TFB1M: variants seen among roughly 807,000 people sequenced by gnomAD.
TFB1M encodes the protein dimethyladenosine transferase 1, mitochondrial.
In TFB1M, 27 loss-of-function variants were observed where a neutral mutation model predicts 31.1. The ratio of observed to expected loss-of-function variants is 0.87; its 90% confidence interval spans 0.64 to 1.20. The LOEUF (loss-of-function observed/expected upper bound fraction) is 1.20, where lower values mean the gene tolerates loss of function less well. Ranked by LOEUF, TFB1M falls within the 50% of genes most tolerant of loss-of-function variation. TFB1M has a pLI of 0.00. For synonymous variants in TFB1M, 166 were observed against 151.8 expected (o/e 1.09, Z -0.69); for missense variants, 394 against 418.7 (o/e 0.94, Z 0.51).
chr6:155,300,076 C>G (rs1193244347), intron 2 of TFB1M, among the ~76,000 whole-genome samples: 1 of 152,194 alleles, frequency 6.6e-6, no homozygotes, highest in African/African-American at 2.4e-5. Context: ...ATTCAGGTCT[C>G]TGTAAAGCTG....
intron 4 of TFB1M, among the ~76,000 whole-genome samples, chr6:155,286,961 T>C (rs1776687775): frequency 6.6e-6 from 1 of 152,126 alleles, no homozygotes; most frequent in South Asian, 2.1e-4. Flanking sequence ...TGTACATCAA[T>C]AATCATAAGA....
downstream of TFB1M, chr6:155,254,457 G>A (rs763875942): frequency 2.5e-6 from 4 of 1,613,932 alleles, no homozygotes; most frequent in Admixed American, 3.3e-5. Flanking sequence ...AAGGTGATTC[G>A]TTCTATTCTG....
intron 2 of TFB1M, among the ~76,000 whole-genome samples, chr6:155,310,395 A>G (rs1777964271): frequency 6.6e-6 from 1 of 152,202 alleles, no homozygotes; most frequent in African/African-American, 2.4e-5. Flanking sequence ...AGCGTTTTAA[A>G]AAAAGTAAGT....
At chr6:155,314,037 C>A in intron 1 of TFB1M, 1 of 1,319,108 alleles carries the variant, frequency 7.6e-7, no homozygotes, top group African/African-American at 1.5e-5. Flanking sequence ...CCCTTCCTCC[C>A]CTAGGGAGCT....
Position 155,257,010 on chromosome 6 carries a change from T to G in TFB1M, c.*826A>C. 6.2e-7 allele frequency: 1 copy of G among 1,614,166 alleles called. No individual in the cohort carries two copies. The highest frequency in any genetic ancestry group is 8.5e-7 in the Non-Finnish European group (1 of 1,180,026). ...AGTCCCTTGACAGTCAGTCTGAAAA[T>G]GCCACCATCGACCTAAATTCTGTTC... On this transcript the variant is annotated 3_prime_UTR_variant, in exon 7 of 7. Coordinates refer to ENST00000367166, the MANE Select transcript of TFB1M (RefSeq NM_016020.4).
At chr6:155,254,305 C>T, downstream of TFB1M, 1 of 1,410,732 alleles carries the variant, frequency 7.1e-7, no homozygotes, top group Non-Finnish European at 9.7e-7. Context: ...TGCTGGGTGG[C>T]TGGCTGGCAG....
At chr6:155,254,667 T>G, downstream of TFB1M, 2 of 1,473,892 alleles carry the variant, frequency 1.4e-6, no homozygotes, top group East Asian at 2.3e-5. Flanking sequence ...GACTTTTCAC[T>G]TTGTAAGTCA....
At chr6:155,276,504 CTACA>C in intron 5 of TFB1M, 1 of 863,328 alleles carries the variant, frequency 1.2e-6, no homozygotes, top group Non-Finnish European at 1.8e-6. Flanking sequence ...ACTTTAACAA[CTACA>C]AAGTAGTTTA....
At chr6:155,292,876 C>CTGGA (rs2114765225) in intron 4 of TFB1M, among the ~76,000 whole-genome samples, 1 of 152,260 alleles carries the variant, frequency 6.6e-6, no homozygotes, top group South Asian at 2.1e-4. Context: ...GCCGCCCAGG[C>CTGGA]TGGAGTGCAG....
chr6:155,276,437 T>TAA, intron 5 of TFB1M: 2 of 1,427,380 alleles, frequency 1.4e-6, no homozygotes, highest in African/African-American at 1.5e-5. Context: ...ACTTTTAGAT[T>TAA]AAAAAAAAAT....
Position 155,257,734 on chromosome 6 carries a change from G to C in TFB1M, c.*102C>G, listed in dbSNP as rs1397663352. On this transcript the variant is annotated 3_prime_UTR_variant, in exon 7 of 7. Transcript: ENST00000367166. Reference sequence around the variant, plus strand: ...GGAAAATAAGTCACATCTGGTCATTGGCATTTGTATCGTCATTCTGTAAAG... The same window carrying C: ...GGAAAATAAGTCACATCTGGTCATTCGCATTTGTATCGTCATTCTGTAAAG... 7.1e-7 allele frequency: 1 copy of C among 1,400,722 alleles called. No individual in the cohort carries two copies. Among genetic ancestry groups the C allele is most frequent in the Non-Finnish European group, 9.9e-7 (1 of 1,008,804 alleles). The allele number at this position is 1,400,722 out of a possible 1,614,324, so 86.8% of individuals were successfully genotyped here. A position where few individuals can be genotyped will look rare whatever the true frequency, so the allele number is the denominator to read the frequency against.
rs1233400827 is a variant in TFB1M at position 155,257,068 on chromosome 6, T to C, written c.*768A>G. ...AGAATTCAGTGTCCAGAGTTTAACA[T>C]CTGTTGTCAGTGAGGAGTGTTTTTA... On this transcript the variant is annotated 3_prime_UTR_variant, in exon 7 of 7. Coordinates refer to ENST00000367166, the MANE Select transcript of TFB1M (RefSeq NM_016020.4). 6.2e-7 allele frequency: 1 copy of C among 1,613,954 alleles called. No individual in the cohort carries two copies. Among genetic ancestry groups the C allele is most frequent in the Non-Finnish European group, 8.5e-7 (1 of 1,180,016 alleles).
the TFB1M span, among the ~76,000 whole-genome samples, chr6:155,240,087 TC>T: frequency 6.6e-6 from 1 of 152,230 alleles, no homozygotes; most frequent in African/African-American, 2.4e-5. Flanking sequence ...CTTGAGTCTC[TC>T]CGGGCTGTTC....
the TFB1M span, chr6:155,245,810 C>T: frequency 1.1e-6 from 1 of 948,512 alleles, no homozygotes; most frequent in East Asian, 2.5e-5. Context: ...CTGTATTTAA[C>T]AAGTAGAGAG....
At chr6:155,306,349 C>T (rs1330428331) in intron 2 of TFB1M, among the ~76,000 whole-genome samples, 1 of 152,080 alleles carries the variant, frequency 6.6e-6, no homozygotes, top group African/African-American at 2.4e-5. Context: ...CTACACAGGA[C>T]CCGGATATTC....
downstream of TFB1M, chr6:155,252,072 G>GA: frequency 7.6e-7 from 1 of 1,316,438 alleles, no homozygotes; most frequent in Non-Finnish European, 1.1e-6. Flanking sequence ...ACGTTGAACT[G>GA]AAAAGCCCAC....
chr6:155,314,173 C>G (rs936353751), intron 1 of TFB1M, 123 bp downstream of exon 1: 1 of 1,545,730 alleles, frequency 6.5e-7, no homozygotes, highest in African/African-American at 1.4e-5. Context: ...GTCGAAGGAC[C>G]TGACCAAAAG....
the TFB1M span, among the ~76,000 whole-genome samples, chr6:155,248,443 TTC>T: frequency 1.3e-5 from 2 of 152,226 alleles, no homozygotes; most frequent in Non-Finnish European, 2.9e-5. Context: ...GCAGGGATGA[TTC>T]TGTCTTCACT....
chr6:155,284,355 AC>A (rs1776526253), intron 5 of TFB1M, among the ~76,000 whole-genome samples: 1 of 152,166 alleles, frequency 6.6e-6, no homozygotes, highest in Non-Finnish European at 1.5e-5. Context: ...ACTCTGCAAG[AC>A]CTTATATTTG....
Sources: gnomAD v4.1 joint callset for allele counts (sites outside exome capture counted in the v4.1 genomes callset) on GRCh38, gnomAD v4.1.1 for gene constraint, MANE v1.5 for transcripts, NCBI Gene and HGNC (gene_info 2026-07-23, HGNC 2026-07-21) for gene names.